Variants in KIF26B observed in about 807,000 individuals in gnomAD.
KIF26B encodes the protein kinesin-like protein KIF26B.
KIF26B carries 63 observed loss-of-function variants against 151.2 expected under a neutral mutation model. That is an observed-to-expected ratio of 0.42 (90% confidence interval 0.34 to 0.51). KIF26B has a LOEUF of 0.51. KIF26B is among the 20% of genes least tolerant of loss of function. The pLI is 0.07. For synonymous variants in KIF26B, 1,357 were observed against 1,262.1 expected, an observed-to-expected ratio of 1.08 and a Z score of -1.59; for missense variants, 2,813 against 2,913.6, an observed-to-expected ratio of 0.97 and a Z score of 0.79.
At chr1:245,446,186 G>A (rs147795318) in intron 4 of KIF26B, among the ~76,000 whole-genome samples, 10 of 152,260 alleles carry the variant, frequency 6.6e-5, no homozygotes, top group African/African-American at 1.9e-4. Flanking sequence ...TGTACTGAGC[G>A]CTTTAGGCAG....
chr1:245,539,374 T>C (rs923875988), intron 4 of KIF26B, among the ~76,000 whole-genome samples: 1 of 152,234 alleles, frequency 6.6e-6, no homozygotes, highest in African/African-American at 2.4e-5. Context: ...GCTTTTGTCT[T>C]TCTGACCTGC....
rs189663093 is a variant in KIF26B, at chr1:245,262,360, G to T, written c.466-104474G>T. Among the ~76,000 whole-genome samples the T allele has an allele frequency of 3.0e-3, 463 of 152,324 alleles. 2 individuals are homozygous for T. The highest frequency in any genetic ancestry group is 0.011 in the African/African-American group (447 of 41,578). ...AGAGACATTGGAAGACATGGGGCGG[G>T]TCTTCTGAACATCTACCTGTGCGTC... On this transcript the variant is annotated intron_variant, in intron 2 of 14. Coordinates refer to ENST00000407071, the MANE Select transcript of KIF26B (RefSeq NM_018012.4).
At position 245,691,003 on chromosome 1, in the gene KIF26B, C is replaced by T. The variant is rs141304030; in HGVS notation, c.5824+2196C>T. On this transcript the variant is annotated intron_variant, in intron 12 of 14. Coordinates refer to ENST00000407071, the MANE Select transcript of KIF26B (RefSeq NM_018012.4). Reference sequence around the variant, plus strand: ...AATGAACTCTTGTTATTCTAATCCACGCAGCCTCGGTCTTCAAAGTCCAGA... The same window carrying T: ...AATGAACTCTTGTTATTCTAATCCATGCAGCCTCGGTCTTCAAAGTCCAGA... 2.4e-3 allele frequency among the ~76,000 whole-genome samples: 369 copies of T among 152,350 alleles called. 2 individuals are homozygous for T. The highest frequency in any genetic ancestry group is 8.6e-3 in the African/African-American group (356 of 41,586).
chr1:245,583,727 C>T (rs2043199432), intron 5 of KIF26B, among the ~76,000 whole-genome samples: 1 of 152,156 alleles, frequency 6.6e-6, no homozygotes, highest in African/African-American at 2.4e-5. Context: ...TACATCACCA[C>T]CTCACTTTCG....
chr1:245,406,193 A>T (rs1478531382), intron 3 of KIF26B, among the ~76,000 whole-genome samples: 1 of 152,130 alleles, frequency 6.6e-6, no homozygotes, highest in Non-Finnish European at 1.5e-5. Context: ...CTCTGGGGAA[A>T]TTGAGGCAAA....
At chr1:245,350,526 C>A (rs1453847251) in intron 2 of KIF26B, among the ~76,000 whole-genome samples, 2 of 152,180 alleles carry the variant, frequency 1.3e-5, no homozygotes, top group Non-Finnish European at 2.9e-5. Context: ...GTCCCCTGAG[C>A]AGGAATGCCG....
chr1:245,647,424 CAAA>C (rs372008159), intron 10 of KIF26B, among the ~76,000 whole-genome samples: 1 of 96,532 alleles, frequency 1.0e-5, no homozygotes, highest in Non-Finnish European at 1.9e-5. Flanking sequence ...GACTCCTTCT[CAAA>C]AAAAAAAAAA....
chr1:245,592,085 C>T (rs1208419463), intron 5 of KIF26B, among the ~76,000 whole-genome samples: 2 of 152,234 alleles, frequency 1.3e-5, no homozygotes, highest in Non-Finnish European at 2.9e-5. Flanking sequence ...TTACCGGGCT[C>T]CATTCTCCCG....
At chr1:245,164,781 A>G (rs906523980) in intron 2 of KIF26B, among the ~76,000 whole-genome samples, 4 of 152,180 alleles carry the variant, frequency 2.6e-5, no homozygotes, top group African/African-American at 9.7e-5. Flanking sequence ...TGCATTTAAG[A>G]AAGATTGCTG....
chr1:245,511,804 G>A (rs78613866), intron 4 of KIF26B, among the ~76,000 whole-genome samples: 2,599 of 152,274 alleles, frequency 0.017, 82 homozygotes, highest in African/African-American at 0.058. Context: ...TGAGGGCTTC[G>A]TTTAAGCACT....
At chr1:245,596,110 C>G (rs981506670) in intron 5 of KIF26B, among the ~76,000 whole-genome samples, 1 of 152,158 alleles carries the variant, frequency 6.6e-6, no homozygotes, top group Admixed American at 6.5e-5. Flanking sequence ...AAAAAACCAG[C>G]TCCTGGATTC....
chr1:245,196,341 T>C (rs1302184244), intron 2 of KIF26B, among the ~76,000 whole-genome samples: 1 of 152,174 alleles, frequency 6.6e-6, no homozygotes, highest in East Asian at 1.9e-4. Context: ...CCATTCCTAA[T>C]AGCTCTGAAA....
chr1:245,375,528 A>G lies in KIF26B; in HGVS notation c.999+8161A>G, dbSNP rs1331964775. ...AGATACAAATCTGTTGGCTTTGATG[A>G]TGGAAGAAGGAACCTCTAGAAGCTG... On this transcript the variant is annotated intron_variant, in intron 3 of 14. Coordinates refer to ENST00000407071, the MANE Select transcript of KIF26B (RefSeq NM_018012.4). The surrounding 1 kb of genome is among the most constrained non-coding windows in gnomAD (Gnocchi z 4.2). 6.6e-6 allele frequency among the ~76,000 whole-genome samples: 1 copy of G among 152,152 alleles called. No individual in the cohort carries two copies. The highest frequency in any genetic ancestry group is 2.4e-5 in the African/African-American group (1 of 41,432).
chr1:245,643,554 A>T (rs947753690), intron 9 of KIF26B, among the ~76,000 whole-genome samples: 1 of 152,154 alleles, frequency 6.6e-6, no homozygotes, highest in East Asian at 1.9e-4. Context: ...ATATGTCATC[A>T]TTCACACGTT....
At chr1:245,334,239 T>C (rs967715090) in intron 2 of KIF26B, among the ~76,000 whole-genome samples, 77 of 152,338 alleles carry the variant, frequency 5.1e-4, no homozygotes, top group African/African-American at 1.8e-3. Flanking sequence ...AAATCTACAC[T>C]GACATGTTTC....
intron 4 of KIF26B, among the ~76,000 whole-genome samples, chr1:245,450,693 G>A (rs901363126): frequency 1.3e-5 from 2 of 152,142 alleles, no homozygotes; most frequent in East Asian, 3.8e-4. Flanking sequence ...AGGATTTAGA[G>A]TCAAAAGTGT....
intron 2 of KIF26B, among the ~76,000 whole-genome samples, chr1:245,340,629 T>C (rs1468056420): frequency 1.3e-5 from 2 of 152,106 alleles, no homozygotes; most frequent in Admixed American, 1.3e-4. Context: ...TACGGCACCA[T>C]GTACCAGGCC....
At chr1:245,238,130 C>T (rs1445291694) in intron 2 of KIF26B, among the ~76,000 whole-genome samples, 1 of 151,838 alleles carries the variant, frequency 6.6e-6, no homozygotes, top group Non-Finnish European at 1.5e-5. Flanking sequence ...GTCAGGAGTT[C>T]AAGACCAGAC....
chr1:245,202,089 C>T (rs1669309751), intron 2 of KIF26B, among the ~76,000 whole-genome samples: 1 of 152,206 alleles, frequency 6.6e-6, no homozygotes, highest in Admixed American at 6.5e-5. Context: ...ACTCAATTAT[C>T]CCATTTTCGA....
Sources: allele counts gnomAD v4.1 joint callset (sites outside exome capture counted in the v4.1 genomes callset), GRCh38; gene constraint gnomAD v4.1.1; non-coding constraint Gnocchi (gnomAD v3.1); transcripts MANE v1.5; gene names NCBI Gene and HGNC (gene_info 2026-07-23, HGNC 2026-07-21).